The following OPA1 variants were observed in gnomAD, a reference collection of about 807,000 sequenced individuals.
OPA1 encodes the protein dynamin-like GTPase OPA1, mitochondrial.
In OPA1, 59 loss-of-function variants were observed where a neutral mutation model predicts 152.9. That is an observed-to-expected ratio of 0.39 (90% CI 0.31 to 0.48). The LOEUF (loss-of-function observed/expected upper bound fraction) is 0.48. OPA1 is among the 20% of genes least tolerant of loss of function. OPA1 has a pLI of 0.96. For synonymous variants in OPA1, 400 were observed against 389.9 expected (o/e 1.03, Z -0.31); for missense variants, 1,008 against 1,216.8 (o/e 0.83, Z 2.55).
chr3:193,625,129 A>G (rs1326656260), intron 6 of OPA1, among the ~76,000 whole-genome samples: 1 of 152,024 alleles, frequency 6.6e-6, no homozygotes, highest in Non-Finnish European at 1.5e-5. Flanking sequence ...TTTGAGGTCG[A>G]TTATCTAAGA....
intron 29 of OPA1, among the ~76,000 whole-genome samples, chr3:193,672,609 C>T (rs145811238): frequency 0.014 from 2,185 of 152,232 alleles, 51 homozygotes; most frequent in African/African-American, 0.049. Context: ...TGCCTCACGC[C>T]TGTAATCCCA....
chr3:193,693,160 A>G (rs1721904632), intron 30 of OPA1, among the ~76,000 whole-genome samples: 1 of 152,236 alleles, frequency 6.6e-6, no homozygotes, highest in South Asian at 2.1e-4. Context: ...GTCAGTTCAG[A>G]AAAGGCTCTT....
rs1732065846 is a variant in OPA1 at position 193,631,522 on chromosome 3, T to C, written c.790-90T>C. 2.3e-6 allele frequency: 2 copies of C among 882,770 alleles called. 1 individual carries two copies. The highest frequency in any genetic ancestry group is 3.4e-5 in the African/African-American group (2 of 59,138). The allele number at this position is 882,770 out of a possible 1,614,324, so 54.7% of individuals were successfully genotyped here. A position where few individuals can be genotyped will look rare whatever the true frequency, so the allele number is the denominator to read the frequency against. ...ATATGCATATAAAGTCAGTTGTTTT[T>C]AACTCTCAATACTTATCAAAAAAAT... On this transcript the variant is annotated intron_variant, in intron 7 of 30. Coordinates refer to ENST00000361510, the MANE Select transcript of OPA1 (RefSeq NM_130837.3).
chr3:193,606,952 T>G (rs1440156257), intron 1 of OPA1, among the ~76,000 whole-genome samples: 1 of 152,138 alleles, frequency 6.6e-6, no homozygotes, highest in Non-Finnish European at 1.5e-5. Context: ...TTTTAATGAT[T>G]GCCATTCTAA....
intron 21 of OPA1, among the ~76,000 whole-genome samples, chr3:193,649,452 G>A (rs916106417): frequency 6.6e-6 from 1 of 152,082 alleles, no homozygotes; most frequent in Middle Eastern, 3.2e-3. Flanking sequence ...AATGAGACAC[G>A]GTAAAACAAG....
At chr3:193,692,413 TTTTC>T (rs1434557956) in intron 30 of OPA1, among the ~76,000 whole-genome samples, 1 of 152,242 alleles carries the variant, frequency 6.6e-6, no homozygotes, top group Admixed American at 6.5e-5. Flanking sequence ...AGGTGACTCA[TTTTC>T]TAGGTGTAAA....
chr3:193,637,412 G>A (rs2109012543), intron 10 of OPA1, 131 bp downstream of exon 10: 1 of 510,376 alleles, frequency 2.0e-6, no homozygotes, highest in Non-Finnish European at 3.5e-6. Flanking sequence ...TATTTTTTAT[G>A]TAATCTTACA....
At chr3:193,668,422 TGC>T (rs1560049514) in intron 29 of OPA1, 1 of 1,550,706 alleles carries the variant, frequency 6.4e-7, no homozygotes, top group Admixed American at 2.0e-5. Flanking sequence ...CTGACATCCG[TGC>T]CAGGTTGCTC....
Position 193,667,176 on chromosome 3 carries a change from G to A in OPA1, c.2879G>A (p.Arg960Gln), listed in dbSNP as rs763280368. ...RQQLTNTEVRRLEKNVKEVLE... is the reference protein window; with the variant it reads ...RQQLTNTEVRQLEKNVKEVLE... ...TTTAACTTTCTTTAAACAGTTAGGC[G>A]ATTAGAGAAAAATGTTAAAGAGGTA... Residue 960 changes from arginine (R) to glutamine (Q), a missense_variant, in exon 29 of 31, where the codon CGA becomes CAA. Around this residue, in one of 7 missense-constraint regions of OPA1, gnomAD observed 137 missense variants for 171.0 expected, o/e 0.80. Coordinates refer to ENST00000361510, the MANE Select transcript of OPA1 (RefSeq NM_130837.3). The A allele has an allele frequency of 1.3e-6, 2 of 1,529,006 alleles. No individual in the cohort carries two copies. The highest frequency in any genetic ancestry group is 1.4e-5 in the African/African-American group (1 of 73,218). 94.7% of individuals were successfully genotyped at this position (1,529,006 alleles called of 1,614,324 possible).
intron 1 of OPA1, among the ~76,000 whole-genome samples, chr3:193,612,404 C>A (rs1042937770): frequency 2.6e-5 from 4 of 151,320 alleles, no homozygotes; most frequent in Middle Eastern, 3.4e-3. Context: ...AAAGTACAGT[C>A]CTCTTTCTTC....
chr3:193,619,993 T>C (rs1729754644), intron 6 of OPA1, among the ~76,000 whole-genome samples: 1 of 152,216 alleles, frequency 6.6e-6, no homozygotes. Context: ...ATTTGTCTTT[T>C]GATTTGATCT....
intron 26 of OPA1, among the ~76,000 whole-genome samples, 190 bp from the exon 27 acceptor site, chr3:193,664,690 G>T (rs897603061): frequency 3.3e-5 from 5 of 151,998 alleles, no homozygotes; most frequent in Non-Finnish European, 5.9e-5. Flanking sequence ...GGTCAGAGTA[G>T]TAGTAAATCT....
intron 29 of OPA1, among the ~76,000 whole-genome samples, chr3:193,675,838 G>A (rs550866626): frequency 4.6e-5 from 7 of 152,146 alleles, no homozygotes; most frequent in South Asian, 2.1e-4. Flanking sequence ...CTGAATGTTC[G>A]ATTGTGATCT....
chr3:193,687,284 C>T (rs1721054187), intron 29 of OPA1, among the ~76,000 whole-genome samples: 1 of 152,146 alleles, frequency 6.6e-6, no homozygotes, highest in Non-Finnish European at 1.5e-5. Flanking sequence ...ATTCATGACT[C>T]AATCAAGAAG....
intron 30 of OPA1, among the ~76,000 whole-genome samples, chr3:193,693,753 CTA>C (rs1324665571): frequency 3.3e-5 from 5 of 152,172 alleles, no homozygotes; most frequent in African/African-American, 1.2e-4. Flanking sequence ...TAAATGTTTT[CTA>C]TGTCTTTTGT....
chr3:193,631,941 G>A (rs1041080612), intron 8 of OPA1, among the ~76,000 whole-genome samples: 6 of 152,094 alleles, frequency 3.9e-5, no homozygotes, highest in African/African-American at 1.4e-4. Flanking sequence ...ATAAACTTAT[G>A]CTTGCATTTT....
chr3:193,597,914 T>G (rs1725866034), intron 1 of OPA1, among the ~76,000 whole-genome samples: 1 of 151,782 alleles, frequency 6.6e-6, no homozygotes, highest in Non-Finnish European at 1.5e-5. Flanking sequence ...TTGTCTCTAC[T>G]AAAATTCAAA....
intron 29 of OPA1, 120 bp from the exon 30 acceptor site, chr3:193,691,943 G>A (rs947633879): frequency 1.6e-6 from 1 of 642,952 alleles, no homozygotes. Flanking sequence ...GGTATGGTGA[G>A]ACTCATATTT....
intron 29 of OPA1, among the ~76,000 whole-genome samples, chr3:193,675,344 A>C (rs281801): frequency 0.17 from 24,831 of 147,472 alleles, 2,325 homozygotes; most frequent in South Asian, 0.36. Context: ...AAAAAAAAAA[A>C]AAAAAACACC....
Sources: gnomAD v4.1 joint callset for allele counts (sites outside exome capture counted in the v4.1 genomes callset) on GRCh38, gnomAD v4.1.1 for gene constraint, gnomAD v4.1.1 regional missense constraint, MANE v1.5 for transcripts, NCBI Gene and HGNC (gene_info 2026-07-23, HGNC 2026-07-21) for gene names.